NRXN1: variants seen among roughly 807,000 people sequenced by gnomAD.
NRXN1 encodes the protein neurexin-1.
A neutral mutation model predicts 150.9 loss-of-function variants in NRXN1; 39 were observed. The observed-to-expected ratio is 0.26, with a 90% CI of 0.20 to 0.34. The LOEUF (loss-of-function observed/expected upper bound fraction) is 0.34. Among genes scored for constraint, NRXN1 ranks in the 10% least tolerant of loss-of-function variants. The pLI, the probability that NRXN1 is intolerant of heterozygous loss-of-function variation, is 1.00. For missense variants in NRXN1, 1,815 were observed against 1,949.9 expected (o/e 0.93, Z 1.30); for synonymous variants, 924 against 757.0 (o/e 1.22, Z -3.62).
At chr2:50,909,519 T>C (rs1046376518) in intron 5 of NRXN1, among the ~76,000 whole-genome samples, 5 of 152,124 alleles carry the variant, frequency 3.3e-5, no homozygotes, top group East Asian at 3.9e-4. Flanking sequence ...CACATTACCA[T>C]GTACTTTCTG....
chr2:50,894,686 T>TA (rs1405012723), intron 5 of NRXN1, among the ~76,000 whole-genome samples: 1 of 152,170 alleles, frequency 6.6e-6, no homozygotes, highest in African/African-American at 2.4e-5. Flanking sequence ...CATGTGGTTA[T>TA]ATAATTTATA....
rs2061944426 is a variant in NRXN1, at chr2:50,198,808, T to C, written c.3546+37981A>G. 3.3e-5 allele frequency among the ~76,000 whole-genome samples: 5 copies of C among 152,274 alleles called. No individual in the cohort carries two copies. The South Asian group carries it at 1.0e-3, about 32-fold the overall frequency. On this transcript the variant is annotated intron_variant, in intron 18 of 22. Coordinates refer to ENST00000401669, the MANE Select transcript of NRXN1 (RefSeq NM_001330078.2). ...GAATATTGCATGGTTTCTTGTACTC[T>C]GCAAATTTCTTCTGAAGAACCCCCT...
chr2:50,495,462 C>A (rs1000860187), intron 15 of NRXN1, among the ~76,000 whole-genome samples: 5 of 149,868 alleles, frequency 3.3e-5, no homozygotes, highest in Non-Finnish European at 7.4e-5. Flanking sequence ...CACAGGGTTT[C>A]TAAGCCAGGC....
chr2:50,202,463 G>A (rs1314588556), intron 18 of NRXN1, among the ~76,000 whole-genome samples: 1 of 152,090 alleles, frequency 6.6e-6, no homozygotes, highest in African/African-American at 2.4e-5. Flanking sequence ...CTGAGATCAT[G>A]CTACTACATT....
chr2:50,642,786 G>T (rs1684258541), intron 5 of NRXN1, among the ~76,000 whole-genome samples: 1 of 151,876 alleles, frequency 6.6e-6, no homozygotes, highest in African/African-American at 2.4e-5. Context: ...TTAGTATATA[G>T]GAGGAAATAG....
intron 17 of NRXN1, among the ~76,000 whole-genome samples, chr2:50,289,730 G>C (rs185389043): frequency 6.6e-6 from 1 of 152,060 alleles, no homozygotes; most frequent in East Asian, 1.9e-4. Flanking sequence ...TTTATAAATA[G>C]ATTTGTGTAT....
At chr2:51,006,851 C>T (rs1700791313) in intron 2 of NRXN1, among the ~76,000 whole-genome samples, 1 of 151,878 alleles carries the variant, frequency 6.6e-6, no homozygotes, top group South Asian at 2.1e-4. Flanking sequence ...TCAAGTTTCG[C>T]CTTAGCTGTC....
chr2:49,967,430 A>G (rs1677149549), intron 21 of NRXN1, among the ~76,000 whole-genome samples: 2 of 152,140 alleles, frequency 1.3e-5, no homozygotes, highest in African/African-American at 2.4e-5. Context: ...GATACATTCA[A>G]CAAAGAAAAA....
chr2:50,196,095 T>A (rs1050017389), intron 18 of NRXN1, among the ~76,000 whole-genome samples: 1 of 152,052 alleles, frequency 6.6e-6, no homozygotes, highest in South Asian at 2.1e-4. Flanking sequence ...CCAACATGCA[T>A]AAACTATTTT....
intron 5 of NRXN1, among the ~76,000 whole-genome samples, chr2:50,852,513 T>C (rs1674667900): frequency 6.6e-6 from 1 of 152,184 alleles, no homozygotes; most frequent in Non-Finnish European, 1.5e-5. Context: ...TCTTTGATTG[T>C]CAAAAAGAGT....
At chr2:51,005,390 C>T (rs1700583175) in intron 2 of NRXN1, among the ~76,000 whole-genome samples, 2 of 151,900 alleles carry the variant, frequency 1.3e-5, no homozygotes, top group African/African-American at 2.4e-5. Context: ...TCAGCATATC[C>T]ATCAGTTCAA....
intron 16 of NRXN1, among the ~76,000 whole-genome samples, chr2:50,466,000 T>A (rs2104651088): frequency 6.6e-6 from 1 of 151,974 alleles, no homozygotes; most frequent in Non-Finnish European, 1.5e-5. Context: ...AAGAGAGTTA[T>A]GCAAAAATGC....
chr2:50,683,120 T>G (rs1212155317), intron 5 of NRXN1, among the ~76,000 whole-genome samples: 2 of 152,216 alleles, frequency 1.3e-5, no homozygotes, highest in East Asian at 3.9e-4. Flanking sequence ...CCTGCAATCC[T>G]AACTTCCCAG....
chr2:50,583,446 A>G (rs1672604554), intron 8 of NRXN1, among the ~76,000 whole-genome samples: 2 of 152,176 alleles, frequency 1.3e-5, no homozygotes, highest in Non-Finnish European at 1.5e-5. Context: ...TACAGCACCA[A>G]GGGTGTACTC....
At chr2:50,064,379 G>C (rs1221600660) in intron 19 of NRXN1, among the ~76,000 whole-genome samples, 2 of 151,492 alleles carry the variant, frequency 1.3e-5, no homozygotes, top group East Asian at 1.9e-4. Flanking sequence ...TCTGAGGTGA[G>C]CTCTACTGTG....
At chr2:50,925,629 G>A (rs1350645276) in intron 3 of NRXN1, among the ~76,000 whole-genome samples, 3 of 151,932 alleles carry the variant, frequency 2.0e-5, no homozygotes, top group African/African-American at 4.8e-5. Context: ...GAAATATTTT[G>A]TCTTTTAAAG....
chr2:50,872,128 G>A (rs560599067), intron 5 of NRXN1, among the ~76,000 whole-genome samples: 1 of 151,794 alleles, frequency 6.6e-6, no homozygotes, highest in African/African-American at 2.4e-5. Flanking sequence ...GTGTGTGTAT[G>A]CATGTGACAT....
intron 18 of NRXN1, among the ~76,000 whole-genome samples, chr2:50,131,303 C>T (rs952256406): frequency 3.9e-5 from 6 of 152,320 alleles, no homozygotes; most frequent in Non-Finnish European, 8.8e-5. Flanking sequence ...GACTATCCAT[C>T]TGTTTGAATA....
chr2:50,108,515 G>C (rs1263653342), intron 18 of NRXN1, among the ~76,000 whole-genome samples: 1 of 152,028 alleles, frequency 6.6e-6, no homozygotes, highest in Non-Finnish European at 1.5e-5. Flanking sequence ...GCCAGATAAA[G>C]TGTATGTCAA....
Sources: allele counts gnomAD v4.1 joint callset (sites outside exome capture counted in the v4.1 genomes callset), GRCh38; gene constraint gnomAD v4.1.1; transcripts MANE v1.5; gene names NCBI Gene and HGNC (gene_info 2026-07-23, HGNC 2026-07-21).